DCLK2: variants seen among roughly 807,000 people sequenced by gnomAD.
DCLK2 encodes doublecortin like kinase 2, also known as serine/threonine-protein kinase DCLK2.
DCLK2 carries 31 observed loss-of-function variants against 78.4 expected under a neutral mutation model. That is an observed-to-expected ratio of 0.40 (90% confidence interval 0.30 to 0.53). DCLK2 has a LOEUF of 0.53. Among genes scored for constraint, DCLK2 ranks in the 20% least tolerant of loss-of-function variants. The pLI is 0.61. For missense variants in DCLK2, 872 were observed against 973.7 expected, an observed-to-expected ratio of 0.90 and a Z score of 1.39; for synonymous variants, 407 against 374.9, an observed-to-expected ratio of 1.09 and a Z score of -0.99.
rs1454035697 is a variant in DCLK2, at chr4:150,175,011, A to AAAAAAAAAAAAT, written c.757-18126_757-18125insAAAAAAAAAATA. On this transcript the variant is annotated intron_variant, in intron 2 of 15. Transcript: ENST00000296550. ...AGACTCCGTCGCAAAAAAAAAAAAAAATATATATATATATATATATATTTA... is the reference window on the plus strand; with the variant it reads ...AGACTCCGTCGCAAAAAAAAAAAAAAAAAAAAAAAAATATATATATATATATATATATATTTA... Among the ~76,000 whole-genome samples the AAAAAAAAAAAAT allele has an allele frequency of 3.7e-3, 37 of 9,972 alleles. 3 individuals are homozygous for AAAAAAAAAAAAT. The highest frequency in any genetic ancestry group is 6.7e-3 in the Admixed American group (3 of 446). 6.5% of individuals were successfully genotyped at this position (9,972 alleles called of 152,430 possible).
chr4:150,151,396 C>T (rs900535341), intron 2 of DCLK2, among the ~76,000 whole-genome samples: 2 of 152,192 alleles, frequency 1.3e-5, no homozygotes, highest in Non-Finnish European at 2.9e-5. Flanking sequence ...AGAACCTCTG[C>T]ATGCCCCAGA....
intron 2 of DCLK2, among the ~76,000 whole-genome samples, chr4:150,179,864 A>G (rs751140641): frequency 2.0e-5 from 3 of 152,168 alleles, no homozygotes; most frequent in Non-Finnish European, 2.9e-5. Flanking sequence ...GAAGATATCA[A>G]TTTCCAAACA....
At chr4:150,178,222 TAATG>T (rs914579401) in intron 2 of DCLK2, among the ~76,000 whole-genome samples, 1 of 152,238 alleles carries the variant, frequency 6.6e-6, no homozygotes, top group African/African-American at 2.4e-5. Context: ...TTAATCTAAA[TAATG>T]AACTATCTTG....
rs548196117 is a variant in DCLK2, at chr4:150,207,099, C to T, written c.1056+3210C>T. ...TGTCTGAGAATGGAGGATTGTTTTTCGTGGGCAGGAACTCTTTACCACTAT... is the reference window on the plus strand; with the variant it reads ...TGTCTGAGAATGGAGGATTGTTTTTTGTGGGCAGGAACTCTTTACCACTAT... On this transcript the variant is annotated intron_variant, in intron 5 of 15. Coordinates refer to ENST00000296550, the MANE Select transcript of DCLK2 (RefSeq NM_001040260.4). Among the ~76,000 whole-genome samples the T allele has an allele frequency of 4.6e-5, 7 of 152,182 alleles. No homozygotes were observed. In the East Asian group the frequency reaches 1.4e-3, roughly 29 times the overall value.
intron 2 of DCLK2, among the ~76,000 whole-genome samples, chr4:150,144,781 C>T (rs1051170650): frequency 7.2e-5 from 11 of 152,034 alleles, no homozygotes; most frequent in East Asian, 1.9e-4. Flanking sequence ...AGAGATGAGA[C>T]GTCACCATGT....
At chr4:150,143,862 CTGTT>C (rs1302483043) in intron 2 of DCLK2, among the ~76,000 whole-genome samples, 2 of 151,318 alleles carry the variant, frequency 1.3e-5, no homozygotes, top group Non-Finnish European at 2.9e-5. Context: ...TGAGAAGTGT[CTGTT>C]CATGTCCTTT....
intron 2 of DCLK2, among the ~76,000 whole-genome samples, chr4:150,124,238 T>A (rs1732770645): frequency 6.6e-6 from 1 of 152,160 alleles, no homozygotes; most frequent in African/African-American, 2.4e-5. Flanking sequence ...GCCTGAGGAC[T>A]GTTAGCGATG....
chr4:150,130,309 A>G (rs966457524), intron 2 of DCLK2, among the ~76,000 whole-genome samples: 47 of 152,104 alleles, frequency 3.1e-4, no homozygotes, highest in African/African-American at 9.9e-4. Context: ...CGTGGATACT[A>G]CTAGCCAGCC....
intron 2 of DCLK2, among the ~76,000 whole-genome samples, chr4:150,183,852 C>T (rs1737709868): frequency 6.6e-6 from 1 of 151,814 alleles, no homozygotes; most frequent in African/African-American, 2.4e-5. Context: ...TTAGTCTCAG[C>T]CCCCCAAGTA....
chr4:150,108,835 C>A (rs867414365), intron 2 of DCLK2, among the ~76,000 whole-genome samples: 1 of 152,076 alleles, frequency 6.6e-6, no homozygotes. Context: ...AATTTTGGAA[C>A]AAGTTGATTC....
At chr4:150,090,443 CA>C (rs775129710) in intron 1 of DCLK2, among the ~76,000 whole-genome samples, 5 of 120,630 alleles carry the variant, frequency 4.1e-5, no homozygotes, top group Middle Eastern at 4.3e-3. Context: ...CAAAACAAAA[CA>C]AAAAAACGCA....
intron 2 of DCLK2, among the ~76,000 whole-genome samples, chr4:150,177,146 G>A (rs1737150017): frequency 6.6e-6 from 1 of 152,056 alleles, no homozygotes; most frequent in Non-Finnish European, 1.5e-5. Flanking sequence ...AATCTCATAT[G>A]ATTTTGTTTT....
intron 2 of DCLK2, among the ~76,000 whole-genome samples, chr4:150,185,871 C>G (rs1195520435): frequency 2.0e-5 from 3 of 152,130 alleles, no homozygotes; most frequent in Admixed American, 6.5e-5. Flanking sequence ...TTCACCCTAA[C>G]CTGATTAATC....
intron 1 of DCLK2, among the ~76,000 whole-genome samples, chr4:150,091,761 G>T (rs1730089961): frequency 7.5e-6 from 1 of 133,596 alleles, no homozygotes. Context: ...GTCCTAAAAG[G>T]AACATTTATG....
intron 12 of DCLK2, among the ~76,000 whole-genome samples, chr4:150,243,642 C>T (rs923859367): frequency 2.6e-5 from 4 of 152,194 alleles, no homozygotes; most frequent in African/African-American, 9.7e-5. Context: ...GTTTTAGCTT[C>T]TCTGACGATA....
intron 5 of DCLK2, among the ~76,000 whole-genome samples, chr4:150,216,487 A>G (rs1041284260): frequency 6.6e-5 from 10 of 152,136 alleles, no homozygotes; most frequent in Non-Finnish European, 1.2e-4. Context: ...AAAATTTAAA[A>G]AATTAGTCGG....
intron 14 of DCLK2, among the ~76,000 whole-genome samples, 193 bp from the exon 15 acceptor site, chr4:150,249,375 G>A (rs1027239649): frequency 2.2e-4 from 34 of 152,202 alleles, no homozygotes; most frequent in African/African-American, 8.2e-4. Context: ...GGGTCTTTCT[G>A]AGGGCATGGG....
chr4:150,217,514 C>A (rs553682810), intron 5 of DCLK2, among the ~76,000 whole-genome samples: 1 of 152,170 alleles, frequency 6.6e-6, no homozygotes. Context: ...CATTTGTAAC[C>A]GTCAGCACCT....
chr4:150,146,669 G>T (rs1325193188), intron 2 of DCLK2, among the ~76,000 whole-genome samples: 4 of 152,176 alleles, frequency 2.6e-5, no homozygotes, highest in Non-Finnish European at 4.4e-5. Context: ...TACATGGTCA[G>T]TGCCTAGCAT....
Sources: allele counts gnomAD v4.1 joint callset (sites outside exome capture counted in the v4.1 genomes callset), GRCh38; gene constraint gnomAD v4.1.1; transcripts MANE v1.5; gene names NCBI Gene and HGNC (gene_info 2026-07-23, HGNC 2026-07-21).